The following HS6ST3 variants were observed in gnomAD, a reference collection of about 807,000 sequenced individuals.
The protein encoded by HS6ST3 is heparan sulfate 6-O-sulfotransferase 3, also known as heparan-sulfate 6-O-sulfotransferase 3.
Under a neutral mutation model 36.7 loss-of-function variants are expected in HS6ST3, and 12 were observed. That is an observed-to-expected ratio of 0.33 (90% confidence interval 0.21 to 0.53). The LOEUF is 0.53. HS6ST3 is among the 20% of genes least tolerant of loss of function. HS6ST3 has a pLI of 0.95. For synonymous variants in HS6ST3, 240 were observed against 257.5 expected (o/e 0.93, Z 0.65); for missense variants, 584 against 640.9 (o/e 0.91, Z 0.96).
At chr13:96,138,404 A>G (rs2054013193) in intron 1 of HS6ST3, among the ~76,000 whole-genome samples, 2 of 46,630 alleles carry the variant, frequency 4.3e-5, no homozygotes, top group Non-Finnish European at 8.9e-5. Flanking sequence ...GTTTATAAAT[A>G]TATATTTACA....
At chr13:96,165,707 A>G (rs1384630238) in intron 1 of HS6ST3, among the ~76,000 whole-genome samples, 2 of 152,180 alleles carry the variant, frequency 1.3e-5, no homozygotes, top group South Asian at 4.1e-4. Flanking sequence ...ACTACAGGCT[A>G]GGTCCCAGAG....
At chr13:96,612,743 C>T (rs538073417) in intron 1 of HS6ST3, among the ~76,000 whole-genome samples, 30 of 152,110 alleles carry the variant, frequency 2.0e-4, no homozygotes, top group Non-Finnish European at 4.1e-4. Flanking sequence ...AATAAAATTG[C>T]CCTTCCATTC....
At chr13:96,526,444 TGTTA>T (rs1295927768) in intron 1 of HS6ST3, among the ~76,000 whole-genome samples, 31 of 152,130 alleles carry the variant, frequency 2.0e-4, no homozygotes, top group Non-Finnish European at 1.5e-5. Context: ...GATCCAGCAG[TGTTA>T]GTTAAGGGCT....
intron 1 of HS6ST3, among the ~76,000 whole-genome samples, chr13:96,385,345 C>A (rs1172362871): frequency 6.6e-6 from 1 of 152,084 alleles, no homozygotes; most frequent in African/African-American, 2.4e-5. Flanking sequence ...ATCTATAAGA[C>A]CTCAATAACA....
At chr13:96,630,087 A>G (rs1025601153) in intron 1 of HS6ST3, among the ~76,000 whole-genome samples, 2 of 152,190 alleles carry the variant, frequency 1.3e-5, no homozygotes, top group Admixed American at 6.5e-5. Context: ...ATGCTATTTT[A>G]AAACTTACTT....
chr13:96,728,453 G>A (rs982549882), intron 1 of HS6ST3, among the ~76,000 whole-genome samples: 1 of 152,000 alleles, frequency 6.6e-6, no homozygotes, highest in African/African-American at 2.4e-5. Context: ...CATAATTCAG[G>A]GGACACCTTA....
intron 1 of HS6ST3, among the ~76,000 whole-genome samples, chr13:96,118,665 T>C (rs2053906528): frequency 1.5e-4 from 1 of 6,478 alleles, no homozygotes; most frequent in Non-Finnish European, 3.6e-4. Context: ...TATATATATA[T>C]ATATATATAT....
chr13:96,708,656 T>G (rs1376979085), intron 1 of HS6ST3, among the ~76,000 whole-genome samples: 1 of 152,092 alleles, frequency 6.6e-6, no homozygotes, highest in Non-Finnish European at 1.5e-5. Flanking sequence ...TCCAGGGAAA[T>G]GTGAATCCAC....
chr13:96,177,032 C>G (rs868689817), intron 1 of HS6ST3, among the ~76,000 whole-genome samples: 2 of 152,152 alleles, frequency 1.3e-5, no homozygotes, highest in Admixed American at 6.5e-5. Flanking sequence ...CTCAATATCA[C>G]TGATCATTAG....
At chr13:96,228,664 T>C (rs2054492782) in intron 1 of HS6ST3, among the ~76,000 whole-genome samples, 1 of 152,222 alleles carries the variant, frequency 6.6e-6, no homozygotes, top group African/African-American at 2.4e-5. Context: ...CCAGTGTTGG[T>C]CCATGGGATG....
intron 1 of HS6ST3, among the ~76,000 whole-genome samples, chr13:96,822,660 AC>A (rs1235196121): frequency 6.6e-6 from 1 of 152,122 alleles, no homozygotes; most frequent in Admixed American, 6.6e-5. Flanking sequence ...TTAAGGAATG[AC>A]CTGTATGATC....
intron 1 of HS6ST3, among the ~76,000 whole-genome samples, chr13:96,624,380 T>C (rs1344256770): frequency 6.6e-6 from 1 of 152,220 alleles, no homozygotes; most frequent in African/African-American, 2.4e-5. Context: ...ATATTTTTTT[T>C]AGTTTTGCCT....
intron 1 of HS6ST3, among the ~76,000 whole-genome samples, chr13:96,136,401 GC>G (rs1195606802): frequency 1.3e-5 from 2 of 152,066 alleles, no homozygotes; most frequent in Non-Finnish European, 2.9e-5. Context: ...GCAAGGCAGA[GC>G]AGGAACAGGC....
At chr13:96,631,366 A>G (rs1471701518) in intron 1 of HS6ST3, among the ~76,000 whole-genome samples, 1 of 152,198 alleles carries the variant, frequency 6.6e-6, no homozygotes, top group Non-Finnish European at 1.5e-5. Context: ...GATCAAAGGG[A>G]GTAGGAATTA....
At chr13:96,728,222 A>G (rs756484231) in intron 1 of HS6ST3, among the ~76,000 whole-genome samples, 1 of 152,188 alleles carries the variant, frequency 6.6e-6, no homozygotes, top group Non-Finnish European at 1.5e-5. Flanking sequence ...TTTTTATTGT[A>G]TATGTTCAGA....
chr13:96,667,799 T>C (rs2056668877), intron 1 of HS6ST3, among the ~76,000 whole-genome samples: 1 of 152,176 alleles, frequency 6.6e-6, no homozygotes, highest in Admixed American at 6.5e-5. Context: ...CATTACAGTG[T>C]CACAGAAGGG....
At chr13:96,579,562 TAA>T (rs376837085) in intron 1 of HS6ST3, among the ~76,000 whole-genome samples, 4 of 145,112 alleles carry the variant, frequency 2.8e-5, no homozygotes, top group Admixed American at 1.4e-4. Flanking sequence ...TCTGTTGTGT[TAA>T]AAAAAAAAAA....
intron 1 of HS6ST3, among the ~76,000 whole-genome samples, chr13:96,646,832 G>T (rs1242429369): frequency 1.3e-5 from 2 of 151,936 alleles, no homozygotes; most frequent in East Asian, 1.9e-4. Context: ...CTGGATTTTC[G>T]ATCGGGGAAA....
intron 1 of HS6ST3, among the ~76,000 whole-genome samples, chr13:96,789,500 C>A (rs962204986): frequency 2.0e-5 from 3 of 151,860 alleles, no homozygotes; most frequent in African/African-American, 7.2e-5. Flanking sequence ...AGGTTATCTG[C>A]CATTTCTGTT....
Sources: allele counts gnomAD v4.1 joint callset (sites outside exome capture counted in the v4.1 genomes callset), GRCh38; gene constraint gnomAD v4.1.1; transcripts MANE v1.5; gene names NCBI Gene and HGNC (gene_info 2026-07-23, HGNC 2026-07-21).